The following SRBD1 variants were observed in gnomAD, a reference collection of about 807,000 sequenced individuals.
SRBD1 encodes S1 RNA-binding domain-containing protein 1.
Under a neutral mutation model 115.3 loss-of-function variants are expected in SRBD1, and 88 were observed. The observed-to-expected ratio is 0.76, with a 90% confidence interval of 0.64 to 0.91. The LOEUF (loss-of-function observed/expected upper bound fraction) is 0.91. Ranked by LOEUF, SRBD1 falls within the 40% of genes least tolerant of loss-of-function variation. The probability of loss-of-function intolerance (pLI) is 0.00; values close to 1 mark genes in which losing one functional copy is unlikely to be tolerated. For missense variants in SRBD1, 1,385 were observed against 1,177.4 expected (o/e 1.18, Z -2.58); for synonymous variants, 509 against 407.7 (o/e 1.25, Z -2.99).
intron 16 of SRBD1, among the ~76,000 whole-genome samples, chr2:45,450,389 T>C (rs909415955): frequency 1.3e-5 from 2 of 152,154 alleles, no homozygotes; most frequent in African/African-American, 2.4e-5. Flanking sequence ...TAATAAACTA[T>C]ATATTTGTAT....
chr2:45,477,422 C>T (rs923179486), intron 15 of SRBD1, among the ~76,000 whole-genome samples: 17 of 152,218 alleles, frequency 1.1e-4, no homozygotes, highest in Non-Finnish European at 4.4e-5. Context: ...ATACCTCATG[C>T]TTCACAGAGG....
At chr2:45,605,957 A>C (rs1674258319) in intron 1 of SRBD1, among the ~76,000 whole-genome samples, 1 of 151,680 alleles carries the variant, frequency 6.6e-6, no homozygotes. Context: ...CCAATGGTTT[A>C]AAACTCTTAA....
chr2:45,514,864 G>A (rs1009537), intron 14 of SRBD1, among the ~76,000 whole-genome samples: 23,032 of 152,032 alleles, frequency 0.15, 2,545 homozygotes, highest in African/African-American at 0.31. Context: ...CAAATTTAAT[G>A]GCACTAACAA....
chr2:45,535,001 CTTATTAAAATTCATA>C lies in SRBD1; in HGVS notation c.1874+11716_1874+11730del, dbSNP rs1441312757. Among the ~76,000 whole-genome samples, 6 of 151,968 alleles carry C rather than the reference CTTATTAAAATTCATA, an allele frequency of 3.9e-5. No homozygotes were observed. In the East Asian group the frequency reaches 1.2e-3, roughly 29 times the overall value. On this transcript the variant is annotated intron_variant, in intron 14 of 20. Coordinates refer to ENST00000263736, the MANE Select transcript of SRBD1 (RefSeq NM_018079.5). The stretch of plus-strand genomic sequence containing the variant: ...CCTACCATCACAAAATTAATGTATC[CTTATTAAAATTCATA>C]TTGTTAGATTAGGTCCAAAAACTCA...
At chr2:45,497,891 C>T (rs538026212) in intron 14 of SRBD1, among the ~76,000 whole-genome samples, 51 of 152,096 alleles carry the variant, frequency 3.4e-4, no homozygotes, top group African/African-American at 9.9e-4. Context: ...AAAATCAGCC[C>T]GGCATGGTGA....
intron 14 of SRBD1, among the ~76,000 whole-genome samples, chr2:45,537,782 G>A (rs1006077175): frequency 1.3e-5 from 2 of 152,150 alleles, no homozygotes; most frequent in African/African-American, 2.4e-5. Flanking sequence ...AACACTTCAT[G>A]AGCTTCACAT....
At position 45,605,385 on chromosome 2, in the gene SRBD1, A is replaced by G. The variant is rs777359113; in HGVS notation, c.57T>C (p.Asp19=). Residue 19 remains aspartate (D), a synonymous_variant, in exon 2 of 21, where the codon GAT becomes GAC. Transcript: ENST00000263736. ...ACAACTCAGAGAATGAAGAAAATTC[A>G]TCTTTCAGTACCACATCCTGGACCT... ...KVQVQDVVLK[D]EFSSFSELSS... 2 of 1,613,672 alleles carry G rather than the reference A, an allele frequency of 1.2e-6. No homozygotes were observed. Among genetic ancestry groups the G allele is most frequent in the South Asian group, 2.2e-5 (2 of 91,062 alleles).
intron 14 of SRBD1, among the ~76,000 whole-genome samples, chr2:45,499,573 C>T (rs931530340): frequency 2.0e-5 from 3 of 152,136 alleles, no homozygotes; most frequent in African/African-American, 7.2e-5. Context: ...TTTGCCCAGA[C>T]CACTGATCGG....
chr2:45,402,887 T>C (rs1029787638), intron 19 of SRBD1, among the ~76,000 whole-genome samples: 3 of 152,160 alleles, frequency 2.0e-5, no homozygotes, highest in African/African-American at 4.8e-5. Flanking sequence ...CTTAGCTCTC[T>C]GGATCAACCC....
At chr2:45,568,895 C>T (rs891145929) in intron 9 of SRBD1, among the ~76,000 whole-genome samples, 2 of 152,126 alleles carry the variant, frequency 1.3e-5, no homozygotes, top group Non-Finnish European at 2.9e-5. Flanking sequence ...ATAATAACTA[C>T]GTATGTAAAA....
chr2:45,424,149 C>T (rs541022650), intron 16 of SRBD1, among the ~76,000 whole-genome samples: 6 of 152,172 alleles, frequency 3.9e-5, no homozygotes, highest in African/African-American at 1.4e-4. Context: ...CATCAATTTT[C>T]TCAATTTTTC....
intron 14 of SRBD1, among the ~76,000 whole-genome samples, chr2:45,499,192 C>T (rs1415530821): frequency 1.3e-5 from 2 of 152,112 alleles, no homozygotes; most frequent in Non-Finnish European, 2.9e-5. Flanking sequence ...GTCATTCTAA[C>T]TGTGGTGAAA....
intron 16 of SRBD1, among the ~76,000 whole-genome samples, chr2:45,442,590 C>A (rs1221809529): frequency 6.6e-6 from 1 of 152,148 alleles, no homozygotes; most frequent in Non-Finnish European, 1.5e-5. Flanking sequence ...GGGAGAGAAT[C>A]CTACGGTATA....
At chr2:45,427,170 A>G (rs1228810303) in intron 16 of SRBD1, among the ~76,000 whole-genome samples, 2 of 152,068 alleles carry the variant, frequency 1.3e-5, no homozygotes, top group African/African-American at 2.4e-5. Context: ...GTCTCTAACC[A>G]GTTTAGAGAA....
At chr2:45,460,799 A>AC (rs1669289389) in intron 16 of SRBD1, among the ~76,000 whole-genome samples, 3 of 152,234 alleles carry the variant, frequency 2.0e-5, no homozygotes, top group African/African-American at 7.2e-5. Context: ...ACTAGTGAAG[A>AC]CATCTGAAAG....
chr2:45,398,103 TAATC>T (rs1217521692), intron 19 of SRBD1, among the ~76,000 whole-genome samples: 1 of 152,146 alleles, frequency 6.6e-6, no homozygotes. Context: ...CTTAGCATAA[TAATC>T]AACCACAGAA....
chr2:45,412,394 A>G (rs1458625217), intron 19 of SRBD1, among the ~76,000 whole-genome samples: 2 of 152,092 alleles, frequency 1.3e-5, no homozygotes, highest in African/African-American at 4.8e-5. Flanking sequence ...TTTTTAAAAG[A>G]AAGCAAATTA....
At chr2:45,585,516 G>A in intron 5 of SRBD1, 92 bp downstream of exon 5, 1 of 1,381,270 alleles carries the variant, frequency 7.2e-7, no homozygotes, top group Non-Finnish European at 9.9e-7. Context: ...ACAAAATGTT[G>A]AAATTGTCAA....
At chr2:45,568,400 T>C (rs183877709) in intron 9 of SRBD1, among the ~76,000 whole-genome samples, 33 of 152,262 alleles carry the variant, frequency 2.2e-4, no homozygotes, top group Non-Finnish European at 4.3e-4. Flanking sequence ...GGCTGAAAAG[T>C]AAGGTTCAGA....
Sources: gnomAD v4.1 joint callset for allele counts (sites outside exome capture counted in the v4.1 genomes callset) on GRCh38, gnomAD v4.1.1 for gene constraint, MANE v1.5 for transcripts, NCBI Gene and HGNC (gene_info 2026-07-23, HGNC 2026-07-21) for gene names.